Variants in FAM135A observed in about 807,000 individuals in gnomAD.
The protein encoded by FAM135A is protein FAM135A.
A neutral mutation model predicts 146.8 loss-of-function variants in FAM135A; 79 were observed. The ratio of observed to expected loss-of-function variants is 0.54; its 90% CI spans 0.45 to 0.65. FAM135A has a LOEUF of 0.65. FAM135A is among the 30% of genes least tolerant of loss of function. The pLI, the probability that FAM135A is intolerant of heterozygous loss-of-function variation, is 0.00. For missense variants in FAM135A, 1,623 were observed against 1,758.2 expected, an observed-to-expected ratio of 0.92 and a Z score of 1.38; for synonymous variants, 562 against 603.6, an observed-to-expected ratio of 0.93 and a Z score of 1.01.
chr6:70,485,319 T>C (rs1399634858), intron 10 of FAM135A, among the ~76,000 whole-genome samples: 1 of 152,144 alleles, frequency 6.6e-6, no homozygotes, highest in East Asian at 1.9e-4. Context: ...TCTTAAACTT[T>C]ACGGTTTTTA....
chr6:70,534,712 A>G (rs562260170), intron 18 of FAM135A, among the ~76,000 whole-genome samples: 61 of 152,310 alleles, frequency 4.0e-4, no homozygotes, highest in African/African-American at 1.4e-3. Flanking sequence ...GATCTTGTTA[A>G]TAGATGTAGG....
intron 20 of FAM135A, among the ~76,000 whole-genome samples, chr6:70,551,802 C>G (rs1469336954): frequency 1.3e-5 from 2 of 152,142 alleles, no homozygotes; most frequent in African/African-American, 4.8e-5. Context: ...CATAAGTTCA[C>G]TGTCTTACAT....
At chr6:70,469,204 A>G (rs1163122516) in intron 5 of FAM135A, among the ~76,000 whole-genome samples, 2 of 152,278 alleles carry the variant, frequency 1.3e-5, no homozygotes, top group East Asian at 3.9e-4. Context: ...GTGTATCCCA[A>G]ACACCTAGAG....
intron 3 of FAM135A, among the ~76,000 whole-genome samples, chr6:70,427,859 TAAAGAA>T (rs1480409177): frequency 6.6e-6 from 1 of 152,186 alleles, no homozygotes; most frequent in African/African-American, 2.4e-5. Context: ...TTTCTTCACT[TAAAGAA>T]AAACCTTTCA....
intron 4 of FAM135A, among the ~76,000 whole-genome samples, chr6:70,435,517 G>A (rs1023499442): frequency 1.3e-5 from 2 of 151,560 alleles, no homozygotes; most frequent in African/African-American, 2.4e-5. Flanking sequence ...CAGTTTTTTT[G>A]TTTGTTTTTT....
Position 70,524,544 on chromosome 6 carries a change from C to A in FAM135A, c.1460C>A (p.Ser487Ter). ...TCTCTAAAAGGAAAGAATGAAGAAT[C>A]AAATAAATCCAAAGTTAAGGTTACT... is the stretch of plus-strand genomic sequence containing the variant. Reference protein sequence around the residue: ...TKSLKGKNEESNKSKVKVTKL... With the variant: ...TKSLKGKNEE Residue 487 changes from serine to a stop codon, truncating the protein, a stop_gained, in exon 15 of 22, where the codon TCA becomes TAA. Transcript: ENST00000418814. LOFTEE classifies it high-confidence loss of function. 1.3e-6 allele frequency: 2 copies of A among 1,549,744 alleles called. No individual in the cohort carries two copies. Among genetic ancestry groups the A allele is most frequent in the South Asian group, 2.4e-5 (2 of 83,552 alleles).
At position 70,526,072 on chromosome 6, in the gene FAM135A, G is replaced by GAA; in HGVS notation, c.2995_2996dup (p.Asn999LysfsTer6). On this transcript the variant is annotated frameshift_variant, in exon 15 of 22. Coordinates refer to ENST00000418814, the MANE Select transcript of FAM135A (RefSeq NM_001162529.3). LOFTEE classifies it high-confidence loss of function. ...CAGATGTTAGTGAAGATAGAACTAT[G>GAA]AAAAAAAATAGTGATGTATTAAATC... 6.2e-7 allele frequency: 1 copy of GAA among 1,610,994 alleles called. No individual in the cohort carries two copies. The highest frequency in any genetic ancestry group is 8.5e-7 in the Non-Finnish European group (1 of 1,178,996).
At chr6:70,527,097 C>A (rs1794913227) in intron 15 of FAM135A, among the ~76,000 whole-genome samples, 1 of 151,912 alleles carries the variant, frequency 6.6e-6, no homozygotes, top group African/African-American at 2.4e-5. Context: ...AACTTCCAGA[C>A]AAAAGCCAAG....
intron 4 of FAM135A, among the ~76,000 whole-genome samples, chr6:70,433,743 T>C (rs1772311028): frequency 6.6e-6 from 1 of 152,214 alleles, no homozygotes; most frequent in Non-Finnish European, 1.5e-5. Flanking sequence ...TAGAAAATTG[T>C]ATTTTTGCTT....
chr6:70,419,519 T>C (rs1207617663), intron 2 of FAM135A, among the ~76,000 whole-genome samples: 1 of 152,266 alleles, frequency 6.6e-6, no homozygotes, highest in African/African-American at 2.4e-5. Context: ...GTATTAAATG[T>C]ACTGCATTAA....
At chr6:70,472,901 A>G (rs369969021) in intron 5 of FAM135A, among the ~76,000 whole-genome samples, 26 of 152,274 alleles carry the variant, frequency 1.7e-4, no homozygotes, top group African/African-American at 2.9e-4. Flanking sequence ...CGTGGTTTCT[A>G]TTTGTCCAAT....
rs541408111 is a variant in FAM135A, at chr6:70,416,002, TTGAC to T, written c.-134+629_-134+632del. ...TTTAGACTGTGTAGTAAGAGTATAA[TTGAC>T]TGCTTAAATCCCAAATCAAACATTT... is the stretch of plus-strand genomic sequence containing the variant. On this transcript the variant is annotated intron_variant, in intron 2 of 21. Coordinates refer to ENST00000418814, the MANE Select transcript of FAM135A (RefSeq NM_001162529.3). Among the ~76,000 whole-genome samples, 467 of 152,360 alleles carry T rather than the reference TTGAC, an allele frequency of 3.1e-3. 3 individuals are homozygous for T. Among genetic ancestry groups the T allele is most frequent in the African/African-American group, 0.011 (445 of 41,586 alleles).
At chr6:70,519,391 T>A (rs1326162973) in intron 12 of FAM135A, among the ~76,000 whole-genome samples, 2 of 152,150 alleles carry the variant, frequency 1.3e-5, no homozygotes, top group Non-Finnish European at 2.9e-5. Context: ...AACAAAAGAT[T>A]TGGAATATTA....
At chr6:70,468,605 T>G (rs1780943027) in intron 5 of FAM135A, among the ~76,000 whole-genome samples, 1 of 152,208 alleles carries the variant, frequency 6.6e-6, no homozygotes, top group South Asian at 2.1e-4. Flanking sequence ...GTCTTGTGTC[T>G]TCTGCCAACA....
intron 8 of FAM135A, among the ~76,000 whole-genome samples, chr6:70,480,629 C>CCCA (rs1783516040): frequency 6.6e-6 from 1 of 152,110 alleles, no homozygotes. Flanking sequence ...TACTCTAAAT[C>CCCA]CCACCATGTT....
At chr6:70,478,827 TG>T (rs1478625836) in intron 8 of FAM135A, among the ~76,000 whole-genome samples, 1 of 152,160 alleles carries the variant, frequency 6.6e-6, no homozygotes, top group Non-Finnish European at 1.5e-5. Flanking sequence ...AGCAGGAAGG[TG>T]TTTTTTTATT....
chr6:70,421,679 T>C (rs191547756), intron 2 of FAM135A, among the ~76,000 whole-genome samples: 3 of 152,314 alleles, frequency 2.0e-5, no homozygotes, highest in Non-Finnish European at 4.4e-5. Flanking sequence ...GGCTGGATTC[T>C]CACTTAGTGA....
chr6:70,517,699 A>G (rs1213235734), intron 12 of FAM135A, among the ~76,000 whole-genome samples: 1 of 152,154 alleles, frequency 6.6e-6, no homozygotes, highest in Non-Finnish European at 1.5e-5. Context: ...GATTACAGGC[A>G]TGAGCCCCAT....
chr6:70,481,855 ACT>A, intron 9 of FAM135A, 144 bp from the exon 10 acceptor site: 1 of 746,294 alleles, frequency 1.3e-6, no homozygotes, highest in Non-Finnish European at 2.0e-6. Context: ...TGTATAAACA[ACT>A]CTCAAATATT....
Sources: allele counts gnomAD v4.1 joint callset (sites outside exome capture counted in the v4.1 genomes callset), GRCh38; gene constraint gnomAD v4.1.1; transcripts MANE v1.5; gene names NCBI Gene and HGNC (gene_info 2026-07-23, HGNC 2026-07-21).